Variants in CAMK2B observed in about 807,000 individuals in gnomAD.
CAMK2B encodes the protein calcium/calmodulin-dependent protein kinase type II subunit beta.
In CAMK2B, 27 loss-of-function variants were observed where a neutral mutation model predicts 93.7. The observed-to-expected ratio is 0.29, with a 90% CI of 0.21 to 0.40. CAMK2B has a LOEUF of 0.40. Among genes scored for constraint, CAMK2B ranks in the 10% least tolerant of loss-of-function variants. CAMK2B has a pLI of 1.00. For synonymous variants in CAMK2B, 374 were observed against 358.8 expected (o/e 1.04, Z -0.48); for missense variants, 568 against 895.8 (o/e 0.63, Z 4.67).
At chr7:44,229,290 G>A in intron 18 of CAMK2B, 98 bp downstream of exon 18, 3 of 775,674 alleles carry the variant, frequency 3.9e-6, no homozygotes, top group Non-Finnish European at 6.2e-6. Context: ...TGGAGCCAGG[G>A]TCCACGCTCA....
chr7:44,262,884 C>G, intron 3 of CAMK2B, 121 bp downstream of exon 3: 1 of 864,272 alleles, frequency 1.2e-6, no homozygotes, highest in South Asian at 1.7e-5. Flanking sequence ...TGGGATATTT[C>G]AACAGAGAAG....
chr7:44,294,856 G>A (rs1787868288), intron 1 of CAMK2B, among the ~76,000 whole-genome samples: 1 of 152,188 alleles, frequency 6.6e-6, no homozygotes. Flanking sequence ...GGTCAGCTGG[G>A]TCCCAGCAAA....
intron 1 of CAMK2B, among the ~76,000 whole-genome samples, chr7:44,290,226 C>T (rs1478231646): frequency 6.6e-6 from 1 of 152,230 alleles, no homozygotes; most frequent in Non-Finnish European, 1.5e-5. Flanking sequence ...CTGAGGAGCC[C>T]TGAGTAAAAG....
chr7:44,313,121 C>T (rs148218391), intron 1 of CAMK2B, among the ~76,000 whole-genome samples: 71 of 152,248 alleles, frequency 4.7e-4, no homozygotes, highest in African/African-American at 1.4e-3. Context: ...CCCTGATGGG[C>T]TCCTGGCATC....
chr7:44,294,224 C>T (rs1787668609), intron 1 of CAMK2B, among the ~76,000 whole-genome samples: 1 of 152,322 alleles, frequency 6.6e-6, no homozygotes, highest in Non-Finnish European at 1.5e-5. Flanking sequence ...GGGACCACAT[C>T]AGATGCCCCT....
chr7:44,235,435 G>A (rs767573019), intron 13 of CAMK2B, among the ~76,000 whole-genome samples: 16 of 152,208 alleles, frequency 1.1e-4, no homozygotes, highest in Non-Finnish European at 1.9e-4. Context: ...GAGGGGCCTG[G>A]CCCCAGCCCC....
chr7:44,220,801 C>CG (rs770881109), intron 21 of CAMK2B, 25 bp downstream of exon 21: 1 of 1,409,322 alleles, frequency 7.1e-7, no homozygotes, highest in East Asian at 2.6e-5. Flanking sequence ...TCCTGCACAG[C>CG]CCCCCCCCAG....
chr7:44,301,493 G>A (rs1350726878), intron 1 of CAMK2B, among the ~76,000 whole-genome samples: 1 of 152,148 alleles, frequency 6.6e-6, no homozygotes, highest in African/African-American at 2.4e-5. Context: ...TTGAAAAGAA[G>A]AGGCCGGGCA....
rs531732094 is a variant in CAMK2B at position 44,311,871 on chromosome 7, C to T, written c.65+13486G>A. On this transcript the variant is annotated intron_variant, in intron 1 of 23. Transcript: ENST00000395749. The surrounding 1 kb of genome is among the most constrained non-coding windows in gnomAD (Gnocchi z 4.2). ...GGGTGACTGCGTGGCTGGCTCCCTG[C>T]ACCGTGGACTGACCCTCACGACGCT... is the stretch of plus-strand genomic sequence containing the variant. Among the ~76,000 whole-genome samples, 2 of 152,190 alleles carry T rather than the reference C, an allele frequency of 1.3e-5. No homozygotes were observed. Among genetic ancestry groups the T allele is most frequent in the South Asian group, 4.2e-4 (2 of 4,816 alleles).
chr7:44,300,658 A>AGTTCCATCCTTACAGTTGG (rs1164059539), intron 1 of CAMK2B, among the ~76,000 whole-genome samples: 3 of 152,260 alleles, frequency 2.0e-5, no homozygotes, highest in African/African-American at 7.2e-5. Context: ...CTGTAAGGAT[A>AGTTCCATCCTTACAGTTGG]AAAAGATGAC....
intron 4 of CAMK2B, among the ~76,000 whole-genome samples, chr7:44,257,516 C>T (rs1027664610): frequency 1.3e-5 from 2 of 152,240 alleles, no homozygotes; most frequent in Non-Finnish European, 2.9e-5. Context: ...GATCGGACCA[C>T]CCCCCACCCC....
intron 20 of CAMK2B, among the ~76,000 whole-genome samples, chr7:44,221,749 G>GC (rs1252701094): frequency 3.3e-5 from 5 of 152,246 alleles, no homozygotes; most frequent in African/African-American, 1.2e-4. Flanking sequence ...AGGCCACCCA[G>GC]CCATGCTGGT....
intron 2 of CAMK2B, among the ~76,000 whole-genome samples, chr7:44,264,870 T>A (rs1204747417): frequency 6.6e-6 from 1 of 152,100 alleles, no homozygotes; most frequent in East Asian, 1.9e-4. Flanking sequence ...TGGGCTCCGT[T>A]TCCCTATCTG....
At chr7:44,236,435 GGGCCTC>G (rs2096627031) in intron 13 of CAMK2B, among the ~76,000 whole-genome samples, 1 of 152,164 alleles carries the variant, frequency 6.6e-6, no homozygotes, top group Admixed American at 6.5e-5. Context: ...AGAAGTAGAG[GGGCCTC>G]AGGCATCACT....
intron 1 of CAMK2B, among the ~76,000 whole-genome samples, chr7:44,309,799 T>C (rs1216220605): frequency 5.3e-5 from 8 of 152,146 alleles, no homozygotes; most frequent in African/African-American, 1.9e-4. Context: ...ACGAGAGAGA[T>C]TCCGACGCCA....
rs898967747 is a variant in CAMK2B at position 44,225,778 on chromosome 7, C to T, written c.1597+738G>A. ...AAGTACTTACCTAGCCACTGCCCTG[C>T]CATGCCGAGCCCGTGGCCCAGCAGC... On this transcript the variant is annotated intron_variant, in intron 20 of 23. Coordinates refer to ENST00000395749, the MANE Select transcript of CAMK2B (RefSeq NM_001220.5). This position sits in a 1 kb window ranked among gnomAD's most constrained non-coding sequence, Gnocchi z 5.0. The T allele has an allele frequency of 3.9e-6, 5 of 1,289,530 alleles. No homozygotes were observed. The highest frequency in any genetic ancestry group is 5.1e-6 in the Non-Finnish European group (5 of 988,800). The allele number at this position is 1,289,530 out of a possible 1,614,324, so 79.9% of individuals were successfully genotyped here. A position where few individuals can be genotyped will look rare whatever the true frequency, so the allele number is the denominator to read the frequency against.
At position 44,259,065 on chromosome 7, in the gene CAMK2B, T is replaced by G. The variant is rs1584314826; in HGVS notation, c.221-139A>C. ...AGGATCGGGCTGGGTAGGGCCCGGGTGGGCAGGCCAGAGGGCAGGGCTGAG... is the reference window on the plus strand; with the variant it reads ...AGGATCGGGCTGGGTAGGGCCCGGGGGGGCAGGCCAGAGGGCAGGGCTGAG... On this transcript the variant is annotated intron_variant, in intron 3 of 23. Coordinates refer to ENST00000395749, the MANE Select transcript of CAMK2B (RefSeq NM_001220.5). 5.2e-6 allele frequency: 4 copies of G among 773,022 alleles called. No individual in the cohort carries two copies. The South Asian group carries it at 6.0e-5, about 12-fold the overall frequency. The allele number at this position is 773,022 out of a possible 1,614,324, so 47.9% of individuals were successfully genotyped here. A position where few individuals can be genotyped will look rare whatever the true frequency, so the allele number is the denominator to read the frequency against.
At position 44,217,251 on chromosome 7, in the gene CAMK2B, ACT is replaced by A. The variant is rs2096356816; in HGVS notation, c.*2272_*2273del. Reference sequence around the variant, plus strand: ...AGGCTCAGAAAGAAAAGACAATGAAACTCAGCAAAAAGAGAGAGGAGGGGAGG... The same window carrying A: ...AGGCTCAGAAAGAAAAGACAATGAAACAGCAAAAAGAGAGAGGAGGGGAGG... On this transcript the variant is annotated 3_prime_UTR_variant, in exon 24 of 24. Coordinates refer to ENST00000395749, the MANE Select transcript of CAMK2B (RefSeq NM_001220.5). 6.6e-6 allele frequency: 1 copy of A among 152,550 alleles called. No homozygotes were observed. Among genetic ancestry groups the A allele is most frequent in the Admixed American group, 6.5e-5 (1 of 15,280 alleles). 9.4% of individuals were successfully genotyped at this position (152,550 alleles called of 1,614,324 possible). A position where few individuals can be genotyped will look rare whatever the true frequency, so the allele number is the denominator to read the frequency against.
chr7:44,304,493 AG>A (rs753425276), intron 1 of CAMK2B, among the ~76,000 whole-genome samples: 2 of 152,348 alleles, frequency 1.3e-5, no homozygotes, highest in African/African-American at 2.4e-5. Context: ...GCTGAATAAA[AG>A]AAGCCAGTCT....
Sources: gnomAD v4.1 joint callset for allele counts (sites outside exome capture counted in the v4.1 genomes callset) on GRCh38, gnomAD v4.1.1 for gene constraint, Gnocchi (gnomAD v3.1) non-coding constraint, MANE v1.5 for transcripts, NCBI Gene and HGNC (gene_info 2026-07-23, HGNC 2026-07-21) for gene names.